PTPRZ1: variants seen among roughly 807,000 people sequenced by gnomAD.
PTPRZ1 encodes protein tyrosine phosphatase receptor type Z1.
A neutral mutation model predicts 214.1 loss-of-function variants in PTPRZ1; 82 were observed. The observed-to-expected ratio is 0.38, with a 90% CI of 0.32 to 0.46. PTPRZ1 has a LOEUF of 0.46. Ranked by LOEUF, PTPRZ1 falls within the 20% of genes least tolerant of loss-of-function variation. The pLI is 1.00. For synonymous variants in PTPRZ1, 945 were observed against 987.9 expected, an observed-to-expected ratio of 0.96 and a Z score of 0.81; for missense variants, 2,603 against 2,748.7, an observed-to-expected ratio of 0.95 and a Z score of 1.19.
rs1418955144 is a variant in PTPRZ1 at position 122,061,603 on chromosome 7, T to A, written c.*383T>A. The A allele has an allele frequency of 6.5e-6, 1 of 154,878 alleles. No homozygotes were observed. The highest frequency in any genetic ancestry group is 1.4e-5 in the Non-Finnish European group (1 of 69,592). 9.6% of individuals were successfully genotyped at this position (154,878 alleles called of 1,614,324 possible). On this transcript the variant is annotated 3_prime_UTR_variant, in exon 30 of 30. Transcript: ENST00000393386. ...GCAATTATCAGGTTTGCTAGAAATA[T>A]AACTTTTAATACAGTAGCCTGTAAA...
intron 20 of PTPRZ1, among the ~76,000 whole-genome samples, chr7:122,039,795 C>T (rs1176640466): frequency 3.3e-5 from 5 of 151,892 alleles, no homozygotes; most frequent in Admixed American, 6.6e-5. Context: ...GTCAGGAGGT[C>T]GAGACTAGCC....
chr7:121,887,816 G>A (rs1314544720), intron 1 of PTPRZ1, among the ~76,000 whole-genome samples: 1 of 151,956 alleles, frequency 6.6e-6, no homozygotes, highest in Non-Finnish European at 1.5e-5. Context: ...GTCAAGCCGG[G>A]GTTTTAATGA....
At chr7:122,009,232 C>A (rs1182550844) in intron 11 of PTPRZ1, among the ~76,000 whole-genome samples, 2 of 152,000 alleles carry the variant, frequency 1.3e-5, no homozygotes, top group Non-Finnish European at 2.9e-5. Context: ...TCGTGTGTTT[C>A]ATACAGTGCA....
chr7:121,940,054 C>T (rs1796198213), intron 2 of PTPRZ1, among the ~76,000 whole-genome samples: 1 of 152,162 alleles, frequency 6.6e-6, no homozygotes, highest in South Asian at 2.1e-4. Flanking sequence ...CGCATTCTTC[C>T]TGCTTTTGGA....
intron 2 of PTPRZ1, among the ~76,000 whole-genome samples, chr7:121,964,220 C>G (rs1336146664): frequency 1.3e-5 from 2 of 152,108 alleles, no homozygotes; most frequent in Non-Finnish European, 2.9e-5. Flanking sequence ...TAAGTTCATT[C>G]TCATGCTGCT....
At chr7:121,878,274 A>G (rs1296858366) in intron 1 of PTPRZ1, among the ~76,000 whole-genome samples, 3 of 152,200 alleles carry the variant, frequency 2.0e-5, no homozygotes, top group Non-Finnish European at 4.4e-5. Context: ...GTGCTCAGTA[A>G]TCTGTGTGGC....
chr7:121,935,761 G>A (rs1158400565), intron 2 of PTPRZ1, among the ~76,000 whole-genome samples: 1 of 151,924 alleles, frequency 6.6e-6, no homozygotes, highest in Non-Finnish European at 1.5e-5. Flanking sequence ...GTAGAGATGG[G>A]GTTTCACCGT....
intron 14 of PTPRZ1, among the ~76,000 whole-genome samples, chr7:122,030,415 A>G (rs1012535578): frequency 4.6e-5 from 7 of 152,056 alleles, no homozygotes; most frequent in Non-Finnish European, 1.0e-4. Flanking sequence ...AGGACTAATG[A>G]CTTACATGTG....
At chr7:121,887,554 T>C (rs1794434754) in intron 1 of PTPRZ1, among the ~76,000 whole-genome samples, 1 of 152,172 alleles carries the variant, frequency 6.6e-6, no homozygotes, top group South Asian at 2.1e-4. Context: ...TTGAACTGAA[T>C]TGGCACACAA....
chr7:121,974,316 TACTC>T (rs1797363225), intron 4 of PTPRZ1, among the ~76,000 whole-genome samples: 1 of 152,206 alleles, frequency 6.6e-6, no homozygotes, highest in Admixed American at 6.5e-5. Flanking sequence ...GAGTTTAGCT[TACTC>T]ACAATATTAC....
chr7:121,949,866 A>G (rs1796500786), intron 2 of PTPRZ1, among the ~76,000 whole-genome samples: 1 of 152,206 alleles, frequency 6.6e-6, no homozygotes, highest in Non-Finnish European at 1.5e-5. Context: ...GGAATAAAGT[A>G]TTCTGGGAGA....
intron 26 of PTPRZ1, 100 bp downstream of exon 26, chr7:122,054,138 T>A: frequency 1.5e-6 from 2 of 1,365,384 alleles, no homozygotes; most frequent in Non-Finnish European, 2.0e-6. Context: ...TAATTTTGTT[T>A]TCAACTAATA....
chr7:121,988,404 A>C (rs1181027315), intron 8 of PTPRZ1, among the ~76,000 whole-genome samples: 1 of 152,220 alleles, frequency 6.6e-6, no homozygotes, highest in Non-Finnish European at 1.5e-5. Context: ...TCATCCATAC[A>C]GTTACATATT....
At chr7:121,891,086 C>T (rs1002594329) in intron 1 of PTPRZ1, among the ~76,000 whole-genome samples, 3 of 152,222 alleles carry the variant, frequency 2.0e-5, no homozygotes, top group Non-Finnish European at 2.9e-5. Flanking sequence ...TTCTTTTCAA[C>T]GCCTTTGTTG....
At chr7:121,916,432 C>T (rs1795429689) in intron 1 of PTPRZ1, among the ~76,000 whole-genome samples, 1 of 152,212 alleles carries the variant, frequency 6.6e-6, no homozygotes, top group Non-Finnish European at 1.5e-5. Context: ...TTAACTTGTT[C>T]AGTCTCTTGA....
intron 1 of PTPRZ1, among the ~76,000 whole-genome samples, chr7:121,891,715 A>C (rs185237200): frequency 5.3e-5 from 8 of 151,884 alleles, no homozygotes; most frequent in Admixed American, 5.2e-4. Flanking sequence ...ATATTTATCC[A>C]TACTAATTGT....
intron 6 of PTPRZ1, among the ~76,000 whole-genome samples, chr7:121,981,140 C>CAAA (rs34208259): frequency 3.1e-5 from 4 of 129,880 alleles, no homozygotes; most frequent in Admixed American, 7.6e-5. Context: ...GACTCCGTCT[C>CAAA]AAAAAAAAAA....
intron 1 of PTPRZ1, among the ~76,000 whole-genome samples, chr7:121,897,979 T>G (rs1794843476): frequency 6.6e-6 from 1 of 152,104 alleles, no homozygotes; most frequent in African/African-American, 2.4e-5. Flanking sequence ...TAGTTTAAAT[T>G]AAAAGAAGGA....
chr7:122,047,380 A>G (rs1400561810), intron 23 of PTPRZ1, among the ~76,000 whole-genome samples: 1 of 152,162 alleles, frequency 6.6e-6, no homozygotes, highest in Non-Finnish European at 1.5e-5. Context: ...ATGTTTTAAT[A>G]TGAGACATGA....
Sources: allele counts gnomAD v4.1 joint callset (sites outside exome capture counted in the v4.1 genomes callset), GRCh38; gene constraint gnomAD v4.1.1; transcripts MANE v1.5; gene names NCBI Gene and HGNC (gene_info 2026-07-23, HGNC 2026-07-21).